Variants in GALNT8 observed in about 807,000 individuals in gnomAD.
GALNT8 encodes the protein polypeptide N-acetylgalactosaminyltransferase 8.
In GALNT8, 66 loss-of-function variants were observed where a neutral mutation model predicts 62.7. That is an observed-to-expected ratio of 1.05 (90% CI 0.86 to 1.29). The LOEUF (loss-of-function observed/expected upper bound fraction) is 1.29. Ranked by LOEUF, GALNT8 falls within the 50% of genes most tolerant of loss-of-function variation. The pLI is 0.00. For missense variants in GALNT8, 771 were observed against 791.8 expected (o/e 0.97, Z 0.32); for synonymous variants, 288 against 294.3 (o/e 0.98, Z 0.22).
chr12:4,772,437 C>T lies in GALNT8; in HGVS notation c.1762-8C>T, dbSNP rs778993059. On this transcript the variant is annotated splice_region_variant and splice_polypyrimidine_tract_variant and intron_variant, in intron 10 of 10. Coordinates refer to ENST00000252318, the MANE Select transcript of GALNT8 (RefSeq NM_017417.2). ...CAGCACCTTGGCTCTGTCTCTCTTC[C>T]CCTCCAGGGAGGAGCTGTCATAAAC... 1 of 1,612,160 alleles carries T rather than the reference C, an allele frequency of 6.2e-7. No homozygotes were observed.
Position 4,720,496 on chromosome 12 carries a change from A to T in GALNT8, c.-182A>T. On this transcript the variant is annotated 5_prime_UTR_variant, in exon 1 of 11. Transcript: ENST00000252318. ...GGGGCATAAAGACAAAGAAGGCAAT[A>T]AGGAGACTTTGCTCCTCAGAGGCCA... 1.7e-6 allele frequency: 1 copy of T among 599,218 alleles called. No individual in the cohort carries two copies. The allele number at this position is 599,218 out of a possible 1,614,324, so 37.1% of individuals were successfully genotyped here.
chr12:4,729,867 T>A (rs1219162709), intron 2 of GALNT8, among the ~76,000 whole-genome samples: 1 of 152,210 alleles, frequency 6.6e-6, no homozygotes, highest in African/African-American at 2.4e-5. Context: ...TTCTATTTTT[T>A]CCACATTATC....
rs540503168 is a variant in GALNT8, at chr12:4,746,737, G to A, written c.1173+479G>A. On this transcript the variant is annotated intron_variant, in intron 6 of 10. Transcript: ENST00000252318. ...GATATAGTCTAATCTAAGACAAATA[G>A]CCAGGTTTTTATCATTATATAACTG... is the stretch of plus-strand genomic sequence containing the variant. 1.6e-4 allele frequency among the ~76,000 whole-genome samples: 24 copies of A among 152,202 alleles called. No homozygotes were observed. In the South Asian group the frequency reaches 3.7e-3, roughly 24 times the overall value.
chr12:4,743,150 A>G (rs527665869), intron 3 of GALNT8, among the ~76,000 whole-genome samples: 46 of 152,270 alleles, frequency 3.0e-4, no homozygotes, highest in Admixed American at 2.9e-3. Flanking sequence ...CATGCCCACT[A>G]TGGTACTTTT....
At chr12:4,768,706 C>T (rs1282893834) in intron 10 of GALNT8, among the ~76,000 whole-genome samples, 1 of 152,116 alleles carries the variant, frequency 6.6e-6, no homozygotes, top group Admixed American at 6.5e-5. Context: ...TGGTGTGTTA[C>T]CTAATATTAA....
chr12:4,731,512 T>G (rs1946221950), intron 2 of GALNT8, among the ~76,000 whole-genome samples: 1 of 152,198 alleles, frequency 6.6e-6, no homozygotes, highest in African/African-American at 2.4e-5. Flanking sequence ...CTAGGACTTC[T>G]AGAAGCATGT....
At chr12:4,764,384 C>A (rs1316844131) in intron 9 of GALNT8, among the ~76,000 whole-genome samples, 3 of 152,120 alleles carry the variant, frequency 2.0e-5, no homozygotes, top group Non-Finnish European at 4.4e-5. Context: ...CTCACTGCTA[C>A]TGGAAAGCCT....
chr12:4,748,628 G>A (rs1479445206), intron 6 of GALNT8, among the ~76,000 whole-genome samples: 1 of 152,100 alleles, frequency 6.6e-6, no homozygotes, highest in Non-Finnish European at 1.5e-5. Flanking sequence ...CTATAGCTCT[G>A]TATTATAATT....
Position 4,720,632 on chromosome 12 carries a change from G to A in GALNT8, c.-46G>A. 8.3e-7 allele frequency: 1 copy of A among 1,201,962 alleles called. No homozygotes were observed. The highest frequency in any genetic ancestry group is 1.2e-6 in the Non-Finnish European group (1 of 803,798). 74.5% of individuals were successfully genotyped at this position (1,201,962 alleles called of 1,614,324 possible). A position where few individuals can be genotyped will look rare whatever the true frequency, so the allele number is the denominator to read the frequency against. ...TTCTGATTCTTAACCTGCTCCAGCA[G>A]TGACACACTCAGTCCCACAGGGAGT... On this transcript the variant is annotated 5_prime_UTR_variant, in exon 1 of 11. It adds an upstream start codon to the 5' untranslated region. Transcript: ENST00000252318.
chr12:4,761,535 T>A (rs1482211268), intron 7 of GALNT8, among the ~76,000 whole-genome samples: 1 of 152,190 alleles, frequency 6.6e-6, no homozygotes, highest in East Asian at 1.9e-4. Context: ...GATATAAACA[T>A]AGCAGGTATG....
At chr12:4,724,022 G>T (rs191037243) in intron 1 of GALNT8, among the ~76,000 whole-genome samples, 1 of 144,336 alleles carries the variant, frequency 6.9e-6, no homozygotes, top group Non-Finnish European at 1.6e-5. Flanking sequence ...GGTGGCGGGC[G>T]CCTGTAGTCC....
chr12:4,767,335 T>C (rs1448428922), intron 10 of GALNT8, among the ~76,000 whole-genome samples: 2 of 152,184 alleles, frequency 1.3e-5, no homozygotes, highest in African/African-American at 4.8e-5. Flanking sequence ...TGCTGTTTTT[T>C]CTCTAGCATC....
intron 6 of GALNT8, among the ~76,000 whole-genome samples, chr12:4,752,662 C>T (rs1158807086): frequency 6.6e-6 from 1 of 151,712 alleles, no homozygotes; most frequent in South Asian, 2.1e-4. Context: ...TATTGTTGAT[C>T]GATTCATTAT....
chr12:4,720,795 G>T lies in GALNT8; in HGVS notation c.118G>T (p.Gly40Cys). The change falls in exon 1 of 11, where the codon GGT becomes TGT. Residue 40 changes from glycine (G) to cysteine (C), a missense_variant. Transcript: ENST00000252318. ...KGTLQNLFTGGLHRELPLHLN... is the reference protein window; with the variant it reads ...KGTLQNLFTGCLHRELPLHLN... ...GACTTTACAAAACCTGTTTACGGGT[G>T]GTCTCCACAGGGAGCTTCCTTTACA... 1.9e-6 allele frequency: 3 copies of T among 1,611,020 alleles called. No individual in the cohort carries two copies. The highest frequency in any genetic ancestry group is 1.3e-5 in the African/African-American group (1 of 74,974).
chr12:4,740,308 T>C (rs1946266424), intron 3 of GALNT8, among the ~76,000 whole-genome samples: 1 of 152,218 alleles, frequency 6.6e-6, no homozygotes, highest in Admixed American at 6.5e-5. Context: ...TCTGATTTTC[T>C]TGTACACAAA....
Position 4,742,775 on chromosome 12 carries a change from GTGAGGA to G in GALNT8, c.677-1741_677-1736del, listed in dbSNP as rs1946277830. 1.3e-5 allele frequency among the ~76,000 whole-genome samples: 2 copies of G among 152,180 alleles called. 1 individual carries two copies. Among genetic ancestry groups the G allele is most frequent in the South Asian group, 4.1e-4 (2 of 4,826 alleles). ...CGCCGAAGGAATGGTGTGAACAAAA[GTGAGGA>G]ATCCGGAAGCGCCCTGAGCTGACCA... is the stretch of plus-strand genomic sequence containing the variant. On this transcript the variant is annotated intron_variant, in intron 3 of 10. Transcript: ENST00000252318.
intron 1 of GALNT8, among the ~76,000 whole-genome samples, chr12:4,724,148 C>CAA (rs11456593): frequency 0.022 from 1,045 of 48,082 alleles, 106 homozygotes; most frequent in Non-Finnish European, 0.027. Context: ...GACTCCGTCT[C>CAA]AAAAAAAAAA....
intron 3 of GALNT8, among the ~76,000 whole-genome samples, chr12:4,741,026 A>G (rs1483043763): frequency 6.6e-6 from 1 of 152,220 alleles, no homozygotes; most frequent in East Asian, 1.9e-4. Context: ...AGTAGAATTA[A>G]GTTACAAAAA....
At chr12:4,756,871 T>A (rs1946347279) in intron 6 of GALNT8, among the ~76,000 whole-genome samples, 1 of 152,228 alleles carries the variant, frequency 6.6e-6, no homozygotes, top group African/African-American at 2.4e-5. Context: ...TTGATGTGGT[T>A]AGGCTTTGTG....
Sources: allele counts gnomAD v4.1 joint callset (sites outside exome capture counted in the v4.1 genomes callset), GRCh38; gene constraint gnomAD v4.1.1; transcripts MANE v1.5; gene names NCBI Gene and HGNC (gene_info 2026-07-23, HGNC 2026-07-21).